Variants in C2orf49 observed in about 807,000 individuals in gnomAD.
The protein encoded by C2orf49 is tRNA-splicing ligase complex subunit ASW.
In C2orf49, 11 loss-of-function variants were observed where a neutral mutation model predicts 20.6. The ratio of observed to expected loss-of-function variants is 0.53; its 90% CI spans 0.34 to 0.88. C2orf49 has a LOEUF of 0.88. Ranked by LOEUF, C2orf49 falls within the 40% of genes least tolerant of loss-of-function variation. The probability of loss-of-function intolerance (pLI) is 0.02; values close to 1 mark genes in which losing one functional copy is unlikely to be tolerated. For missense variants in C2orf49, 289 were observed against 274.2 expected (o/e 1.05, Z -0.38); for synonymous variants, 134 against 108.5 (o/e 1.24, Z -1.46).
the C2orf49 span, chr2:105,358,345 TG>T: frequency 1.3e-5 from 2 of 152,392 alleles, no homozygotes; most frequent in East Asian, 3.8e-4. Flanking sequence ...GTGAGTGGGT[TG>T]ATAGCCGCTG....
chr2:105,360,319 A>AAG, the C2orf49 span: 2 of 142,188 alleles, frequency 1.4e-5, no homozygotes, highest in African/African-American at 5.1e-5. Context: ...AAAAAAAAAA[A>AAG]GGGAGAGAAG....
At chr2:105,383,907 C>A in the C2orf49 span, among the ~76,000 whole-genome samples, 1 of 152,204 alleles carries the variant, frequency 6.6e-6, no homozygotes, top group Non-Finnish European at 1.5e-5. Context: ...TGTAACCCCA[C>A]GTATCTCAAA....
At chr2:105,354,645 G>T in the C2orf49 span, among the ~76,000 whole-genome samples, 3 of 148,186 alleles carry the variant, frequency 2.0e-5, no homozygotes, top group Admixed American at 2.1e-4. Flanking sequence ...CAGCCTGGGC[G>T]ACAACAGCAA....
the C2orf49 span, chr2:105,367,419 TA>T: frequency 1.4e-6 from 1 of 730,334 alleles, no homozygotes; most frequent in Non-Finnish European, 2.3e-6. Flanking sequence ...ACCCGATGGA[TA>T]AATGCTCAGA....
the C2orf49 span, among the ~76,000 whole-genome samples, chr2:105,370,447 T>A: frequency 1.7e-3 from 259 of 151,972 alleles, no homozygotes; most frequent in Non-Finnish European, 2.9e-3. Flanking sequence ...TACTTGAGTC[T>A]GCTCAGAGGC....
At chr2:105,375,938 G>C in the C2orf49 span, 1 of 152,222 alleles carries the variant, frequency 6.6e-6, no homozygotes, top group East Asian at 1.9e-4. Context: ...AAGTGAAATA[G>C]AGGACAAACT....
chr2:105,382,140 A>G, the C2orf49 span, among the ~76,000 whole-genome samples: 7 of 152,214 alleles, frequency 4.6e-5, no homozygotes, highest in Admixed American at 6.5e-5. Flanking sequence ...TTTACAGCCA[A>G]TTTGATCATC....
chr2:105,362,947 G>T, the C2orf49 span: 1 of 275,556 alleles, frequency 3.6e-6, no homozygotes, highest in Non-Finnish European at 6.9e-6. Context: ...ACACAGCACA[G>T]CTGCTAAGCC....
At chr2:105,354,726 G>GTTT in the C2orf49 span, among the ~76,000 whole-genome samples, 1 of 151,850 alleles carries the variant, frequency 6.6e-6, no homozygotes, top group Non-Finnish European at 1.5e-5. Context: ...TTATCACAAA[G>GTTT]TTTAAGTATG....
chr2:105,378,075 G>A, the C2orf49 span: 8 of 471,002 alleles, frequency 1.7e-5, no homozygotes, highest in East Asian at 1.4e-4. Flanking sequence ...CCAGTGCTCC[G>A]GTCATTAAGT....
chr2:105,381,661 ATTAAAT>A, the C2orf49 span, among the ~76,000 whole-genome samples: 3 of 152,202 alleles, frequency 2.0e-5, no homozygotes, highest in African/African-American at 4.8e-5. Flanking sequence ...ACCCTGCTTG[ATTAAAT>A]TCCCTTCACA....
chr2:105,376,868 T>C, the C2orf49 span: 2 of 152,254 alleles, frequency 1.3e-5, no homozygotes, highest in African/African-American at 4.8e-5. Flanking sequence ...TGCTACAGCA[T>C]GGATGAATCT....
At chr2:105,382,802 C>T in the C2orf49 span, among the ~76,000 whole-genome samples, 2 of 152,184 alleles carry the variant, frequency 1.3e-5, no homozygotes, top group Non-Finnish European at 2.9e-5. Context: ...GTCTAGGTTA[C>T]GTGTGTCGCC....
At position 105,343,203 on chromosome 2, in the gene C2orf49, A is replaced by G. The variant is rs767370418; in HGVS notation, c.622A>G (p.Lys208Glu). The change falls in exon 3 of 4, where the codon AAA becomes GAA. Residue 208 changes from lysine (K) to glutamate (E), a missense_variant. By Grantham distance (56) the Lys-to-Glu change is moderately conservative. Transcript: ENST00000258457. ...TPVKLKRAAP[K>E]EEAEAMNNLK... ...AGTGAAGTTAAAGAGAGCTGCTCCT[A>G]AAGAAGAGGCAGAGGCCATGGTAAG... The G allele has an allele frequency of 3.1e-6, 5 of 1,599,882 alleles. No homozygotes were observed. The Admixed American group carries it at 7.0e-5, about 22-fold the overall frequency.
intron 2 of C2orf49, among the ~76,000 whole-genome samples, chr2:105,342,512 A>G (rs1348795149): frequency 6.6e-6 from 1 of 151,792 alleles, no homozygotes; most frequent in African/African-American, 2.4e-5. Context: ...CATGGTTAAG[A>G]TAACCCTATC....
At chr2:105,375,136 T>G in the C2orf49 span, 1 of 31,488 alleles carries the variant, frequency 3.2e-5, no homozygotes, top group Non-Finnish European at 6.3e-5. Flanking sequence ...CTGAAGTATG[T>G]GTGTGTGTGT....
chr2:105,355,768 TTTTGTGTGTGTGTGTGTG>T, the C2orf49 span, among the ~76,000 whole-genome samples: 32 of 100,586 alleles, frequency 3.2e-4, no homozygotes, highest in African/African-American at 8.7e-4. Context: ...GGAGAAAAAA[TTTTGTGTGTGTGTGTGTG>T]TGTGTGTGTG....
At chr2:105,354,362 T>C in the C2orf49 span, among the ~76,000 whole-genome samples, 1 of 152,320 alleles carries the variant, frequency 6.6e-6, no homozygotes, top group Non-Finnish European at 1.5e-5. Flanking sequence ...ACTAGTTCTA[T>C]TAAGCATTTT....
chr2:105,371,871 G>A, the C2orf49 span, among the ~76,000 whole-genome samples: 1 of 152,154 alleles, frequency 6.6e-6, no homozygotes, highest in Non-Finnish European at 1.5e-5. Flanking sequence ...TCCCTGTGGG[G>A]CAGGACACAG....
Sources: allele counts gnomAD v4.1 joint callset (sites outside exome capture counted in the v4.1 genomes callset), GRCh38; gene constraint gnomAD v4.1.1; transcripts MANE v1.5; gene names NCBI Gene and HGNC (gene_info 2026-07-23, HGNC 2026-07-21).